The following IRGC variants were observed in gnomAD, a reference collection of about 807,000 sequenced individuals.
IRGC encodes the protein interferon-inducible GTPase 5.
IRGC carries 4 observed loss-of-function variants against 16.1 expected under a neutral mutation model. That is an observed-to-expected ratio of 0.25 (90% CI 0.12 to 0.57). The LOEUF (loss-of-function observed/expected upper bound fraction) is 0.57, where lower values mean the gene tolerates loss of function less well. Ranked by LOEUF, IRGC falls within the 20% of genes least tolerant of loss-of-function variation. The probability of loss-of-function intolerance (pLI) is 0.92; values close to 1 mark genes in which losing one functional copy is unlikely to be tolerated. For synonymous variants in IRGC, 307 were observed against 299.5 expected (o/e 1.03, Z -0.26); for missense variants, 570 against 643.9 (o/e 0.89, Z 1.24).
chr19:43,719,200 G>C lies in IRGC; in HGVS notation c.642G>C (p.Leu214=), dbSNP rs1348403737. ...GCGTGGCTGACCCTCGCATCTTCCT[G>C]GTGTCCAACCTCTCGCCGGCCCGCT... The part of the protein sequence containing the change: ...EAGVADPRIF[L]VSNLSPARYD... The change falls in exon 2 of 2, where the codon CTG becomes CTC. Residue 214 remains leucine, a synonymous_variant. Coordinates refer to ENST00000244314, the MANE Select transcript of IRGC (RefSeq NM_019612.4). 9.3e-6 allele frequency: 15 copies of C among 1,608,464 alleles called. No individual in the cohort carries two copies. In the East Asian group the frequency reaches 3.3e-4, roughly 36 times the overall value.
rs199678200 is a variant in IRGC, at chr19:43,719,173, C to T, written c.615C>T (p.Ala205=). The change falls in exon 2 of 2, where the codon GCC becomes GCT. Residue 205 remains alanine (A), a synonymous_variant. Coordinates refer to ENST00000244314, the MANE Select transcript of IRGC (RefSeq NM_019612.4). Reference sequence around the variant, plus strand: ...ACTGTGCCGAGCGGCTGCGGGAGGCCGGCGTGGCTGACCCTCGCATCTTCC... The same window carrying T: ...ACTGTGCCGAGCGGCTGCGGGAGGCTGGCGTGGCTGACCCTCGCATCTTCC... The part of the protein sequence containing the change: ...RDHCAERLRE[A]GVADPRIFLV... 3.7e-6 allele frequency: 6 copies of T among 1,608,842 alleles called. No homozygotes were observed. The highest frequency in any genetic ancestry group is 5.1e-6 in the Non-Finnish European group (6 of 1,179,684).
Position 43,719,713 on chromosome 19 carries a change from C to A in IRGC, c.1155C>A (p.Leu385=). ...GISFGAVYTM[L]QGCLNEMAED... ...GCTTTGGCGCTGTCTACACCATGCT[C>A]CAGGGCTGCCTCAACGAGATGGCTG... Residue 385 remains leucine (L), a synonymous_variant, in exon 2 of 2, where the codon CTC becomes CTA. Transcript: ENST00000244314. 1 of 1,612,812 alleles carries A rather than the reference C, an allele frequency of 6.2e-7. No individual in the cohort carries two copies. The highest frequency in any genetic ancestry group is 8.5e-7 in the Non-Finnish European group (1 of 1,179,740).
chr19:43,717,961 C>A (rs1460513259), intron 1 of IRGC, among the ~76,000 whole-genome samples: 2 of 152,128 alleles, frequency 1.3e-5, no homozygotes, highest in Non-Finnish European at 2.9e-5. Context: ...CCCAGCTGTT[C>A]AGGAGGCTGA....
Position 43,719,098 on chromosome 19 carries a change from G to C in IRGC, c.540G>C (p.Gln180His). The C allele has an allele frequency of 1.9e-6, 3 of 1,609,836 alleles. No homozygotes were observed. Among genetic ancestry groups the C allele is most frequent in the Non-Finnish European group, 2.5e-6 (3 of 1,178,012 alleles). The change falls in exon 2 of 2, where the codon CAG becomes CAC. Residue 180 changes from glutamine to histidine, a missense_variant. Transcript: ENST00000244314. ...AGGACCTGGCGGCCACGCGCACCCA[G>C]CGGCCGTCGGGCTTCAGAGAGGCCG... Reference protein sequence around the residue: ...VDEDLAATRTQRPSGFREAAV... With the variant: ...VDEDLAATRTHRPSGFREAAV...
chr19:43,717,901 T>G (rs1423584952), intron 1 of IRGC, among the ~76,000 whole-genome samples: 1 of 152,096 alleles, frequency 6.6e-6, no homozygotes, highest in African/African-American at 2.4e-5. Context: ...GACTCCCATC[T>G]CTACAAAAAA....
In IRGC at chr19:43,718,589, G is replaced by T; in HGVS notation, c.31G>T (p.Gly11Trp). The change falls in exon 2 of 2, where the codon GGG becomes TGG. Residue 11 changes from glycine (G) to tryptophan (W), a missense_variant. Transcript: ENST00000244314. MATSKLPVVP[G>W]EEENTILMAK... ...TACTTCAAAGTTGCCCGTGGTGCCT[G>T]GGGAGGAGGAAAACACCATCCTTAT... The T allele has an allele frequency of 6.3e-7, 1 of 1,595,482 alleles. No homozygotes were observed. Among genetic ancestry groups the T allele is most frequent in the Non-Finnish European group, 8.6e-7 (1 of 1,169,028 alleles).
At position 43,719,890 on chromosome 19, in the gene IRGC, C is replaced by A. The variant is rs73564645; in HGVS notation, c.1332C>A (p.Leu444=). Reference sequence around the variant, plus strand: ...CCCCACTCTCAACCTGCAGGAAGCTCGGCCTCCTTCTTAAGTACATTCTGG... The same window carrying A: ...CCCCACTCTCAACCTGCAGGAAGCTAGGCCTCCTTCTTAAGTACATTCTGG... ...EEAPLSTCRK[L]GLLLKYILDS... The change falls in exon 2 of 2, where the codon CTC becomes CTA. Residue 444 remains leucine (L), a synonymous_variant. Coordinates refer to ENST00000244314, the MANE Select transcript of IRGC (RefSeq NM_019612.4). 4.2e-4 allele frequency: 677 copies of A among 1,613,866 alleles called. 3 individuals carry two copies. The African/African-American group carries it at 8.1e-3, about 19-fold the overall frequency.
Position 43,718,979 on chromosome 19 carries a change from T to G in IRGC, c.421T>G (p.Ser141Ala), listed in dbSNP as rs780321714. ...CCGCTATGACTTCTTCCTGCTGGTC[T>G]CCCCCCGCCGCTGCGGGGCCGTCGA... ...FSRYDFFLLV[S>A]PRRCGAVETR... Residue 141 changes from serine to alanine, a missense_variant, in exon 2 of 2, where the codon TCC (serine) becomes GCC (alanine). Physicochemically the swap from Ser to Ala is moderately conservative, Grantham distance 99. Transcript: ENST00000244314. 8 of 1,599,468 alleles carry G rather than the reference T, an allele frequency of 5.0e-6. No individual in the cohort carries two copies. In the African/African-American group the frequency reaches 1.1e-4, roughly 21 times the overall value.
chr19:43,720,010 A>G lies in IRGC; in HGVS notation c.*60A>G. ...ACTAAGTCTTAACAAAATCCAAATT[A>G]CCAACAAAAAAGGCCGATGTGGTGA... is the stretch of plus-strand genomic sequence containing the variant. On this transcript the variant is annotated 3_prime_UTR_variant, in exon 2 of 2. Transcript: ENST00000244314. 6.3e-7 allele frequency: 1 copy of G among 1,575,636 alleles called. No homozygotes were observed. Among genetic ancestry groups the G allele is most frequent in the African/African-American group, 1.4e-5 (1 of 73,358 alleles).
In IRGC at chr19:43,718,641, G is replaced by A. The variant is rs775899801; in HGVS notation, c.83G>A (p.Arg28His). The change falls in exon 2 of 2, where the codon CGC becomes CAC. Residue 28 changes from arginine to histidine, a missense_variant. Transcript: ENST00000244314. ...GCCAAGGAAAGGCTGGAGGCCCTGC[G>A]CACAGCCTTTGAGTCGGGTGACCTC... The part of the protein sequence containing the change: ...LMAKERLEAL[R>H]TAFESGDLPQ... 25 of 1,613,412 alleles carry A rather than the reference G, an allele frequency of 1.5e-5. No individual in the cohort carries two copies. Among genetic ancestry groups the A allele is most frequent in the Non-Finnish European group, 1.9e-5 (23 of 1,179,958 alleles).
Position 43,719,168 on chromosome 19 carries a change from G to C in IRGC, c.610G>C (p.Glu204Gln). The C allele has an allele frequency of 6.2e-7, 1 of 1,609,168 alleles. No individual in the cohort carries two copies. The highest frequency in any genetic ancestry group is 8.5e-7 in the Non-Finnish European group (1 of 1,179,662). ...AGACCACTGTGCCGAGCGGCTGCGG[G>C]AGGCCGGCGTGGCTGACCCTCGCAT... ...IRDHCAERLR[E>Q]AGVADPRIFL... The change falls in exon 2 of 2, where the codon GAG (glutamate) becomes CAG (glutamine). Residue 204 changes from glutamate (E) to glutamine (Q), a missense_variant. By Grantham distance (29) the Glu-to-Gln change is conservative (BLOSUM62 2). Coordinates refer to ENST00000244314, the MANE Select transcript of IRGC (RefSeq NM_019612.4).
In IRGC at chr19:43,718,915, C is replaced by T. The variant is rs139284118; in HGVS notation, c.357C>T (p.Gly119=). ...LWDLPGAGSP[G]CPADKYLKQV... is the part of the protein sequence containing the mutation. ...ACCTGCCAGGAGCCGGCTCTCCAGGCTGCCCGGCTGACAAGTACCTAAAGC... is the reference window on the plus strand; with the variant it reads ...ACCTGCCAGGAGCCGGCTCTCCAGGTTGCCCGGCTGACAAGTACCTAAAGC... Residue 119 remains glycine (G), a synonymous_variant, in exon 2 of 2, where the codon GGC becomes GGT. Coordinates refer to ENST00000244314, the MANE Select transcript of IRGC (RefSeq NM_019612.4). The T allele has an allele frequency of 3.6e-4, 577 of 1,613,014 alleles. 6 individuals are homozygous for T. In the African/African-American group the frequency reaches 6.8e-3, roughly 19 times the overall value.
In IRGC at chr19:43,718,980, C is replaced by T. The variant is rs769628445; in HGVS notation, c.422C>T (p.Ser141Phe). 1.9e-6 allele frequency: 3 copies of T among 1,608,146 alleles called. No homozygotes were observed. The highest frequency in any genetic ancestry group is 2.5e-6 in the Non-Finnish European group (3 of 1,177,558). Residue 141 changes from serine to phenylalanine, a missense_variant, in exon 2 of 2, where the codon TCC becomes TTC. Ser to Phe is a radical substitution (Grantham distance 155). Coordinates refer to ENST00000244314, the MANE Select transcript of IRGC (RefSeq NM_019612.4). ...CGCTATGACTTCTTCCTGCTGGTCT[C>T]CCCCCGCCGCTGCGGGGCCGTCGAG... ...FSRYDFFLLV[S>F]PRRCGAVETR... is the part of the protein sequence containing the mutation.
chr19:43,719,940 A>G lies in IRGC; in HGVS notation c.1382A>G (p.Glu461Gly). The G allele has an allele frequency of 6.2e-7, 1 of 1,613,092 alleles. No homozygotes were observed. The highest frequency in any genetic ancestry group is 8.5e-7 in the Non-Finnish European group (1 of 1,179,996). Reference sequence around the variant, plus strand: ...GACAGCTGGAAGAAACACGACTCAGAAGAGAAATAAAGAGTGCAGCCCCGC... The same window carrying G: ...GACAGCTGGAAGAAACACGACTCAGGAGAGAAATAAAGAGTGCAGCCCCGC... ...ILDSWKKHDS[E>G]EK The change falls in exon 2 of 2, where the codon GAA (glutamate) becomes GGA (glycine). Residue 461 changes from glutamate to glycine, a missense_variant. By Grantham distance (98) the Glu-to-Gly change is moderately conservative (BLOSUM62 -2). Transcript: ENST00000244314.
At position 43,717,637 on chromosome 19, in the gene IRGC, C is replaced by T. The variant is rs1051001126; in HGVS notation, c.-66-856C>T. On this transcript the variant is annotated intron_variant, in intron 1 of 1. Transcript: ENST00000244314. ...CACCCTACCCTCCAATCCCAGCCAC[C>T]GCAGGAGTGCAGCTGTTTCCTCTGA... 4.6e-5 allele frequency among the ~76,000 whole-genome samples: 7 copies of T among 152,156 alleles called. No individual in the cohort carries two copies. In the South Asian group the frequency reaches 6.2e-4, roughly 14 times the overall value.
At position 43,718,503 on chromosome 19, in the gene IRGC, T is replaced by G. The variant is rs2146334519; in HGVS notation, c.-56T>G. The G allele has an allele frequency of 6.6e-7, 1 of 1,515,952 alleles. No homozygotes were observed. The highest frequency in any genetic ancestry group is 1.3e-5 in the South Asian group (1 of 75,888). 93.9% of individuals were successfully genotyped at this position (1,515,952 alleles called of 1,614,324 possible). A position where few individuals can be genotyped will look rare whatever the true frequency, so the allele number is the denominator to read the frequency against. On this transcript the variant is annotated 5_prime_UTR_variant, in exon 2 of 2. Coordinates refer to ENST00000244314, the MANE Select transcript of IRGC (RefSeq NM_019612.4). The stretch of plus-strand genomic sequence containing the variant: ...CCTTCTCCTCTGCAGGCGCTGAGGA[T>G]CACGCATCCTGTGACTCTCCCCTGT...
chr19:43,718,318 T>C (rs113748511), intron 1 of IRGC, 175 bp from the exon 2 acceptor site: 23 of 618,564 alleles, frequency 3.7e-5, no homozygotes, highest in African/African-American at 3.6e-4. Context: ...GATGTGAACC[T>C]GGGCCTGCCA....
rs753738498 is a variant in IRGC, at chr19:43,719,932, C to G, written c.1374C>G (p.His458Gln). The change falls in exon 2 of 2, where the codon CAC becomes CAG. Residue 458 changes from histidine to glutamine, a missense_variant. Transcript: ENST00000244314. Reference protein sequence around the residue: ...LKYILDSWKKHDSEEK With the variant: ...LKYILDSWKKQDSEEK ...ACATTCTGGACAGCTGGAAGAAACA[C>G]GACTCAGAAGAGAAATAAAGAGTGC... 4.3e-6 allele frequency: 7 copies of G among 1,613,296 alleles called. No homozygotes were observed. The highest frequency in any genetic ancestry group is 4.0e-5 in the African/African-American group (3 of 74,904).
At chr19:43,718,254 A>T (rs1234926352) in intron 1 of IRGC, 4 of 331,458 alleles carry the variant, frequency 1.2e-5, no homozygotes, top group Admixed American at 4.7e-5. Context: ...CCCATTACCC[A>T]GAGAGGTGCT....
Sources: allele counts gnomAD v4.1 joint callset (sites outside exome capture counted in the v4.1 genomes callset), GRCh38; gene constraint gnomAD v4.1.1; transcripts MANE v1.5; gene names NCBI Gene and HGNC (gene_info 2026-07-23, HGNC 2026-07-21).